Variants in NCOA1 observed in about 807,000 individuals in gnomAD.
NCOA1 encodes nuclear receptor coactivator 1, also known as Hin-2 protein.
NCOA1 carries 35 observed loss-of-function variants against 150.9 expected under a neutral mutation model. The ratio of observed to expected loss-of-function variants is 0.23; its 90% confidence interval spans 0.18 to 0.31. NCOA1 has a LOEUF of 0.31. Ranked by LOEUF, NCOA1 falls within the 10% of genes least tolerant of loss-of-function variation. The pLI, the probability that NCOA1 is intolerant of heterozygous loss-of-function variation, is 1.00. For missense variants in NCOA1, 1,491 were observed against 1,749.3 expected (o/e 0.85, Z 2.63); for synonymous variants, 590 against 630.0 (o/e 0.94, Z 0.95).
intron 3 of NCOA1, among the ~76,000 whole-genome samples, chr2:24,606,903 G>C (rs1343129404): frequency 5.3e-5 from 8 of 152,116 alleles, no homozygotes; most frequent in Non-Finnish European, 7.4e-5. Context: ...AATGGGATAT[G>C]TGTGCACCTC....
chr2:24,671,657 T>C (rs1671689312), intron 6 of NCOA1, among the ~76,000 whole-genome samples: 1 of 151,968 alleles, frequency 6.6e-6, no homozygotes, highest in South Asian at 2.1e-4. Context: ...GCCTCCCAGG[T>C]CCAAGCAATT....
At chr2:24,716,784 A>G (rs1674068603) in intron 14 of NCOA1, among the ~76,000 whole-genome samples, 1 of 152,232 alleles carries the variant, frequency 6.6e-6, no homozygotes, top group Non-Finnish European at 1.5e-5. Context: ...AGAAATCACT[A>G]GGCTAAACCC....
chr2:24,651,203 G>C (rs1305821862), intron 4 of NCOA1, among the ~76,000 whole-genome samples: 1 of 152,002 alleles, frequency 6.6e-6, no homozygotes, highest in Non-Finnish European at 1.5e-5. Context: ...CCTTTTCTGG[G>C]TATATACCCA....
At chr2:24,639,817 G>A (rs1270793118) in intron 3 of NCOA1, among the ~76,000 whole-genome samples, 1 of 150,414 alleles carries the variant, frequency 6.6e-6, no homozygotes, top group African/African-American at 2.4e-5. Flanking sequence ...GAACCTGGGA[G>A]GCGGAGGTTG....
In NCOA1 at chr2:24,691,598, G is replaced by A. The variant is rs1295864492; in HGVS notation, c.650G>A (p.Arg217His). 14 of 1,614,032 alleles carry A rather than the reference G, an allele frequency of 8.7e-6. No homozygotes were observed. Among genetic ancestry groups the A allele is most frequent in the Admixed American group, 8.3e-5 (5 of 59,998 alleles). Residue 217 changes from arginine (R) to histidine (H), a missense_variant, in exon 9 of 23, where the codon CGT becomes CAT. By Grantham distance (29) the Arg-to-His change is conservative. Around this residue, in one of 8 missense-constraint regions of NCOA1, gnomAD observed 99 missense variants for 122.8 expected, o/e 0.81. Coordinates refer to ENST00000348332, the MANE Select transcript of NCOA1 (RefSeq NM_003743.5). ...PGTENQEACQ[R>H]YEVMQCFTVS... Reference sequence around the variant, plus strand: ...ACCGAGAACCAAGAAGCTTGCCAGCGTTATGAAGTAATGCAGTGTTTCACT... The same window carrying A: ...ACCGAGAACCAAGAAGCTTGCCAGCATTATGAAGTAATGCAGTGTTTCACT...
chr2:24,549,107 T>G (rs916676960), intron 1 of NCOA1, among the ~76,000 whole-genome samples: 1 of 152,210 alleles, frequency 6.6e-6, no homozygotes, highest in Admixed American at 6.5e-5. Flanking sequence ...TCTTTGGGCA[T>G]CCAGGTGTTT....
At chr2:24,654,719 C>T (rs1021071206) in intron 4 of NCOA1, among the ~76,000 whole-genome samples, 1 of 152,076 alleles carries the variant, frequency 6.6e-6, no homozygotes, top group Non-Finnish European at 1.5e-5. Flanking sequence ...CATGGTATAG[C>T]CTCCTATTAT....
intron 3 of NCOA1, among the ~76,000 whole-genome samples, chr2:24,597,818 G>A (rs1007849295): frequency 2.0e-5 from 3 of 151,992 alleles, no homozygotes; most frequent in African/African-American, 7.3e-5. Flanking sequence ...TAGGGCACAT[G>A]TGCACAACGT....
intron 5 of NCOA1, among the ~76,000 whole-genome samples, chr2:24,659,952 G>C (rs1041018328): frequency 6.6e-6 from 1 of 152,090 alleles, no homozygotes; most frequent in Non-Finnish European, 1.5e-5. Flanking sequence ...AGACTCTTCT[G>C]TCCTTGGATT....
In NCOA1 at chr2:24,706,911, A is replaced by AT; in HGVS notation, c.1442dup (p.Ser482IlefsTer30). The AT allele has an allele frequency of 6.2e-7, 1 of 1,614,200 alleles. No homozygotes were observed. ...TAATTCTCCTATGGAAGGTACAGGA[A>AT]TATCCCTAGCACAGTTCATGTCTCC... On this transcript the variant is annotated frameshift_variant, in exon 13 of 23. Transcript: ENST00000348332. LOFTEE classifies it high-confidence loss of function.
intron 3 of NCOA1, among the ~76,000 whole-genome samples, chr2:24,639,437 A>C (rs1263116275): frequency 1.3e-5 from 2 of 152,010 alleles, no homozygotes; most frequent in Non-Finnish European, 2.9e-5. Context: ...CTTTTTCTTG[A>C]TCAATCTTGC....
intron 6 of NCOA1, 93 bp downstream of exon 6, chr2:24,666,008 T>TA (rs1671405327): frequency 2.1e-5 from 15 of 703,394 alleles, no homozygotes; most frequent in Non-Finnish European, 2.6e-5. Context: ...TTATTATTAT[T>TA]TTATTATTAT....
chr2:24,525,955 T>C (rs1163565024), intron 1 of NCOA1, among the ~76,000 whole-genome samples: 1 of 152,178 alleles, frequency 6.6e-6, no homozygotes, highest in Non-Finnish European at 1.5e-5. Flanking sequence ...TCTGTGTCCA[T>C]TTTGGTGTAT....
At chr2:24,525,078 G>A (rs991930804) in intron 1 of NCOA1, among the ~76,000 whole-genome samples, 1 of 152,194 alleles carries the variant, frequency 6.6e-6, no homozygotes, top group African/African-American at 2.4e-5. Context: ...TTAGGGGAGA[G>A]GAGCTTGTGC....
intron 1 of NCOA1, among the ~76,000 whole-genome samples, chr2:24,502,130 A>T (rs1663488787): frequency 1.3e-5 from 2 of 152,162 alleles, no homozygotes; most frequent in African/African-American, 4.8e-5. Flanking sequence ...CCCAATTAAA[A>T]AGAGTGGACC....
intron 1 of NCOA1, among the ~76,000 whole-genome samples, chr2:24,514,306 A>AAT (rs1664065534): frequency 6.7e-6 from 1 of 148,490 alleles, no homozygotes; most frequent in Non-Finnish European, 1.5e-5. Flanking sequence ...AAAAAAAAAA[A>AAT]GGAAAAAAAC....
rs545117242 is a variant in NCOA1 at position 24,566,457 on chromosome 2, C to A, written c.-260+2027C>A. Among the ~76,000 whole-genome samples the A allele has an allele frequency of 9.5e-4, 145 of 152,304 alleles. 1 individual carries two copies. Among genetic ancestry groups the A allele is most frequent in the African/African-American group, 3.3e-3 (139 of 41,550 alleles). Reference sequence around the variant, plus strand: ...GTAGCTCCTCTCCACAGCTGGTCATCCTATCCTCTCCTCGAATTTGGCTGA... The same window carrying A: ...GTAGCTCCTCTCCACAGCTGGTCATACTATCCTCTCCTCGAATTTGGCTGA... On this transcript the variant is annotated intron_variant, in intron 2 of 22. Coordinates refer to ENST00000348332, the MANE Select transcript of NCOA1 (RefSeq NM_003743.5).
In NCOA1 at chr2:24,639,648, G is replaced by A. The variant is rs1400548283; in HGVS notation, c.-174-4318G>A. Among the ~76,000 whole-genome samples, 3 of 151,814 alleles carry A rather than the reference G, an allele frequency of 2.0e-5. No homozygotes were observed. The East Asian group carries it at 5.8e-4, about 29-fold the overall frequency. ...TCATGCCTATAATCCCAGCACTTTG[G>A]GAGGCCGAGGCAGGTGGATCACGAG... is the stretch of plus-strand genomic sequence containing the variant. On this transcript the variant is annotated intron_variant, in intron 3 of 22. Transcript: ENST00000348332.
chr2:24,533,768 G>A (rs1186630246), intron 1 of NCOA1, among the ~76,000 whole-genome samples: 2 of 152,134 alleles, frequency 1.3e-5, no homozygotes, highest in Non-Finnish European at 2.9e-5. Flanking sequence ...TATGTTGAAC[G>A]AGCCTTGCAT....
Sources: allele counts gnomAD v4.1 joint callset (sites outside exome capture counted in the v4.1 genomes callset), GRCh38; gene constraint gnomAD v4.1.1; regional missense constraint gnomAD v4.1.1; transcripts MANE v1.5; gene names NCBI Gene and HGNC (gene_info 2026-07-23, HGNC 2026-07-21).